The following ZNF230 variants were observed in gnomAD, a reference collection of about 807,000 sequenced individuals.
ZNF230 encodes zinc finger protein FDZF2.
ZNF230 carries 12 observed loss-of-function variants against 10.0 expected under a neutral mutation model. The observed-to-expected ratio is 1.20, with a 90% CI of 0.77 to 1.95. ZNF230 has a LOEUF of 1.95. Ranked by LOEUF, ZNF230 falls within the 30% of genes most tolerant of loss-of-function variation. ZNF230 has a pLI of 0.00. For synonymous variants in ZNF230, 174 were observed against 193.6 expected (o/e 0.90, Z 0.84); for missense variants, 532 against 565.8 (o/e 0.94, Z 0.61).
chr19:44,007,169 G>T, intron 2 of ZNF230, 76 bp downstream of exon 2: 1 of 1,472,230 alleles, frequency 6.8e-7, no homozygotes, highest in South Asian at 1.3e-5. Flanking sequence ...TCTCTGTCTT[G>T]GGAAGACTCA....
chr19:44,008,158 A>G (rs1376417314), intron 2 of ZNF230, among the ~76,000 whole-genome samples: 1 of 152,188 alleles, frequency 6.6e-6, no homozygotes, highest in Non-Finnish European at 1.5e-5. Flanking sequence ...CCTCAGGGGT[A>G]ACATGACTTA....
At position 44,010,639 on chromosome 19, in the gene ZNF230, G is replaced by T. The variant is rs756134779; in HGVS notation, c.600G>T (p.Met200Ile). The change falls in exon 5 of 5, where the codon ATG (methionine) becomes ATT (isoleucine). Residue 200 changes from methionine to isoleucine, a missense_variant. Met to Ile is a conservative substitution (Grantham distance 10, BLOSUM62 1). Transcript: ENST00000429154. Reference sequence around the variant, plus strand: ...GAGAGAAACTCTCTAAGTGTGACATGCGTGGTAAGGAATTCAGTCAGAGCT... The same window carrying T: ...GAGAGAAACTCTCTAAGTGTGACATTCGTGGTAAGGAATTCAGTCAGAGCT... ...HLREKLSKCDMRGKEFSQSSC... is the reference protein window; with the variant it reads ...HLREKLSKCDIRGKEFSQSSC... 6.2e-7 allele frequency: 1 copy of T among 1,614,242 alleles called. No homozygotes were observed. The highest frequency in any genetic ancestry group is 8.5e-7 in the Non-Finnish European group (1 of 1,180,044).
intron 1 of ZNF230, among the ~76,000 whole-genome samples, chr19:44,005,454 ATT>A (rs1976113976): frequency 6.6e-6 from 1 of 152,210 alleles, no homozygotes; most frequent in African/African-American, 2.4e-5. Flanking sequence ...ATTAAATAAT[ATT>A]GTTATCTATT....
chr19:44,006,482 G>T (rs758677232), intron 1 of ZNF230, among the ~76,000 whole-genome samples: 5 of 152,130 alleles, frequency 3.3e-5, no homozygotes, highest in Non-Finnish European at 5.9e-5. Flanking sequence ...CTCTATTGAG[G>T]TATATTTTAC....
chr19:44,007,436 C>T (rs1354794679), intron 2 of ZNF230, among the ~76,000 whole-genome samples: 1 of 152,178 alleles, frequency 6.6e-6, no homozygotes, highest in African/African-American at 2.4e-5. Flanking sequence ...TTCCTTATGT[C>T]AAGAGTGCTC....
chr19:44,009,046 T>C, intron 3 of ZNF230, 38 bp from the exon 4 acceptor site: 5 of 1,610,498 alleles, frequency 3.1e-6, no homozygotes, highest in Non-Finnish European at 4.2e-6. Context: ...TTACCTAGAA[T>C]GAATTGGTAT....
At position 44,010,266 on chromosome 19, in the gene ZNF230, TA is replaced by T; in HGVS notation, c.230-2del. 1 of 1,597,044 alleles carries T rather than the reference TA, an allele frequency of 6.3e-7. No individual in the cohort carries two copies. Among genetic ancestry groups the T allele is most frequent in the Non-Finnish European group, 8.5e-7 (1 of 1,170,664 alleles). On this transcript the variant is annotated splice_acceptor_variant, in intron 4 of 4. Transcript: ENST00000429154. LOFTEE classifies it high-confidence loss of function. ...CACATCTCTTCATTCTGTGTCCTTA[TA>T]GGCGGCAAGACTATTGCGGAAGCAG...
rs778105672 is a variant in ZNF230 at position 44,010,640 on chromosome 19, C to T, written c.601C>T (p.Arg201Cys). The change falls in exon 5 of 5, where the codon CGT becomes TGT. Residue 201 changes from arginine (R) to cysteine (C), a missense_variant. Coordinates refer to ENST00000429154, the MANE Select transcript of ZNF230 (RefSeq NM_006300.4). ...LREKLSKCDMRGKEFSQSSCL... is the reference protein window; with the variant it reads ...LREKLSKCDMCGKEFSQSSCL... ...AGAGAAACTCTCTAAGTGTGACATGCGTGGTAAGGAATTCAGTCAGAGCTC... is the reference window on the plus strand; with the variant it reads ...AGAGAAACTCTCTAAGTGTGACATGTGTGGTAAGGAATTCAGTCAGAGCTC... The T allele has an allele frequency of 3.7e-5, 59 of 1,614,070 alleles. No homozygotes were observed. Among genetic ancestry groups the T allele is most frequent in the East Asian group, 4.5e-5 (2 of 44,902 alleles).
At chr19:44,006,533 G>A (rs1022917319) in intron 1 of ZNF230, among the ~76,000 whole-genome samples, 1 of 152,128 alleles carries the variant, frequency 6.6e-6, no homozygotes, top group Non-Finnish European at 1.5e-5. Flanking sequence ...TGATCTTTAG[G>A]AACTTTGTAA....
chr19:44,008,027 C>A (rs535492415), intron 2 of ZNF230, among the ~76,000 whole-genome samples: 9 of 152,350 alleles, frequency 5.9e-5, no homozygotes, highest in Non-Finnish European at 1.2e-4. Context: ...CTATGATCCA[C>A]TGTGAGCCAG....
chr19:44,007,087 A>G lies in ZNF230; in HGVS notation c.9A>G (p.Thr3=). The G allele has an allele frequency of 6.2e-7, 1 of 1,606,332 alleles. No homozygotes were observed. Among genetic ancestry groups the G allele is most frequent in the East Asian group, 2.2e-5 (1 of 44,846 alleles). Residue 3 remains threonine (T), a synonymous_variant, in exon 2 of 5, where the codon ACA becomes ACG. Coordinates refer to ENST00000429154, the MANE Select transcript of ZNF230 (RefSeq NM_006300.4). MT[T]FKEAVTFKDV... is the part of the protein sequence containing the mutation. ...AAAAAGTAGTAGGAAAAATGACCAC[A>G]TTCAAGGTGAGTAGAGCTCACCTCT...
intron 3 of ZNF230, 39 bp downstream of exon 3, chr19:44,008,955 C>T: frequency 6.2e-7 from 1 of 1,610,232 alleles, no homozygotes; most frequent in Non-Finnish European, 8.5e-7. Flanking sequence ...CATCAGGCCT[C>T]AGGAGTGGCT....
At position 44,009,663 on chromosome 19, in the gene ZNF230, C is replaced by T. The variant is rs973966166; in HGVS notation, c.229+493C>T. On this transcript the variant is annotated intron_variant, in intron 4 of 4. Coordinates refer to ENST00000429154, the MANE Select transcript of ZNF230 (RefSeq NM_006300.4). ...TTTGTTCTTTCTGACATGGGGAGGA[C>T]GGTCTCCCACCCCTCACCCTCGAAA... is the stretch of plus-strand genomic sequence containing the variant. Among the ~76,000 whole-genome samples the T allele has an allele frequency of 5.9e-5, 9 of 152,148 alleles. No individual in the cohort carries two copies. In the South Asian group the frequency reaches 8.3e-4, roughly 14 times the overall value.
chr19:44,006,293 T>A (rs568670897), intron 1 of ZNF230, among the ~76,000 whole-genome samples: 24 of 152,278 alleles, frequency 1.6e-4, no homozygotes, highest in Non-Finnish European at 1.9e-4. Flanking sequence ...TTACCTTTTT[T>A]AAAAAAACTC....
rs1464933845 is a variant in ZNF230 at position 44,003,076 on chromosome 19, C to T, written c.-100C>T. ...ACGACCCGATGATCGATGATCCAAG[C>T]AAGGGAAAAGAAGCCTTGGCGGAGA... is the stretch of plus-strand genomic sequence containing the variant. On this transcript the variant is annotated 5_prime_UTR_variant, in exon 1 of 5. Coordinates refer to ENST00000429154, the MANE Select transcript of ZNF230 (RefSeq NM_006300.4). 1.3e-5 allele frequency: 2 copies of T among 152,092 alleles called. No homozygotes were observed. The highest frequency in any genetic ancestry group is 2.9e-5 in the Non-Finnish European group (2 of 68,006). The allele number at this position is 152,092 out of a possible 1,614,324, so 9.4% of individuals were successfully genotyped here.
chr19:44,005,748 G>A (rs1186715777), intron 1 of ZNF230, among the ~76,000 whole-genome samples: 1 of 152,118 alleles, frequency 6.6e-6, no homozygotes, highest in East Asian at 1.9e-4. Context: ...TAAAAGCCGG[G>A]TGTGGTGGCA....
At chr19:44,008,679 G>A in intron 2 of ZNF230, 111 bp from the exon 3 acceptor site, 1 of 1,344,282 alleles carries the variant, frequency 7.4e-7, no homozygotes, top group Non-Finnish European at 1.0e-6. Context: ...GACAGAATGA[G>A]TGGGAAATCT....
At chr19:44,006,521 A>G (rs868682907) in intron 1 of ZNF230, among the ~76,000 whole-genome samples, 6 of 152,354 alleles carry the variant, frequency 3.9e-5, no homozygotes, top group Middle Eastern at 3.4e-3. Context: ...TCAGGAGTAC[A>G]GTGATCTTTA....
intron 1 of ZNF230, 138 bp from the exon 2 acceptor site, chr19:44,006,873 G>A (rs532760475): frequency 1.4e-5 from 6 of 428,454 alleles, no homozygotes; most frequent in African/African-American, 1.2e-4. Flanking sequence ...CCCAGAGGAA[G>A]GCATTTTGGT....
Sources: gnomAD v4.1 joint callset for allele counts (sites outside exome capture counted in the v4.1 genomes callset) on GRCh38, gnomAD v4.1.1 for gene constraint, MANE v1.5 for transcripts, NCBI Gene and HGNC (gene_info 2026-07-23, HGNC 2026-07-21) for gene names.